The following MDGA2 variants were observed in gnomAD, a reference collection of about 807,000 sequenced individuals.
The protein encoded by MDGA2 is MAM domain-containing glycosylphosphatidylinositol anchor protein 2.
A neutral mutation model predicts 117.8 loss-of-function variants in MDGA2; 40 were observed. The ratio of observed to expected loss-of-function variants is 0.34; its 90% CI spans 0.26 to 0.44. The LOEUF (loss-of-function observed/expected upper bound fraction) is 0.44. Among genes scored for constraint, MDGA2 ranks in the 20% least tolerant of loss-of-function variants. The pLI, the probability that MDGA2 is intolerant of heterozygous loss-of-function variation, is 1.00. For synonymous variants in MDGA2, 452 were observed against 439.0 expected, an observed-to-expected ratio of 1.03 and a Z score of -0.37; for missense variants, 1,123 against 1,250.6, an observed-to-expected ratio of 0.90 and a Z score of 1.54.
At chr14:46,951,951 A>G (rs1396297719) in intron 9 of MDGA2, among the ~76,000 whole-genome samples, 2 of 151,980 alleles carry the variant, frequency 1.3e-5, no homozygotes, top group Non-Finnish European at 2.9e-5. Context: ...AAATATCTTG[A>G]GTCAATAATT....
At chr14:47,620,499 T>C (rs1897029619) in intron 1 of MDGA2, among the ~76,000 whole-genome samples, 1 of 152,346 alleles carries the variant, frequency 6.6e-6, no homozygotes, top group Admixed American at 6.5e-5. Flanking sequence ...ATAATAGATG[T>C]ATATTGTAGA....
At chr14:47,583,252 G>C (rs1955797) in intron 1 of MDGA2, among the ~76,000 whole-genome samples, 42,808 of 151,602 alleles carry the variant, frequency 0.28, 6,606 homozygotes, top group Non-Finnish European at 0.35. Flanking sequence ...AGAATGGCTA[G>C]ATTAGACTGT....
At position 47,061,268 on chromosome 14, in the gene MDGA2, A is replaced by G; in HGVS notation, c.1506T>C (p.Val502=). Residue 502 remains valine, a synonymous_variant, in exon 7 of 17, where the codon GTT becomes GTC. Coordinates refer to ENST00000399232, the MANE Select transcript of MDGA2 (RefSeq NM_001113498.3). ...TCTTACCTGTGCTGCTGGATATATT[A>G]ACATCGATACTGATATCAGATATTC... The part of the protein sequence containing the change: ...GGGISDISID[V]NISSSTVPPN... The G allele has an allele frequency of 1.2e-6, 2 of 1,613,034 alleles. No homozygotes were observed. Among genetic ancestry groups the G allele is most frequent in the Non-Finnish European group, 1.7e-6 (2 of 1,179,208 alleles).
At chr14:47,499,849 T>C (rs1235750293) in intron 1 of MDGA2, among the ~76,000 whole-genome samples, 1 of 152,200 alleles carries the variant, frequency 6.6e-6, no homozygotes, top group Non-Finnish European at 1.5e-5. Flanking sequence ...TAATTTATTC[T>C]ACTATAATTG....
At chr14:47,080,544 T>G (rs1191636737) in intron 6 of MDGA2, among the ~76,000 whole-genome samples, 1 of 152,128 alleles carries the variant, frequency 6.6e-6, no homozygotes, top group Non-Finnish European at 1.5e-5. Flanking sequence ...TCCCTCACAT[T>G]CTCTTATCTT....
rs55827732 is a variant in MDGA2, at chr14:47,155,888, C to CTTTTT, written c.596-11619_596-11615dup. Among the ~76,000 whole-genome samples the CTTTTT allele has an allele frequency of 2.3e-3, 91 of 40,114 alleles. 8 individuals carry two copies. The highest frequency in any genetic ancestry group is 3.0e-3 in the Non-Finnish European group (69 of 23,016). The allele number at this position is 40,114 out of a possible 152,430, so 26.3% of individuals were successfully genotyped here. A position where few individuals can be genotyped will look rare whatever the true frequency, so the allele number is the denominator to read the frequency against. On this transcript the variant is annotated intron_variant, in intron 3 of 16. Coordinates refer to ENST00000399232, the MANE Select transcript of MDGA2 (RefSeq NM_001113498.3). ...ATTCTTTTCTTTTCTTCTTCTTCTT[C>CTTTTT]TTTTTTTTTTTTTTTTTTTTTTTTT...
At chr14:47,523,040 C>G (rs940594428) in intron 1 of MDGA2, among the ~76,000 whole-genome samples, 2 of 152,172 alleles carry the variant, frequency 1.3e-5, no homozygotes, top group African/African-American at 4.8e-5. Context: ...CTTTGCAAAG[C>G]TTAATTTCTT....
At chr14:47,177,395 C>T (rs1251351832) in intron 3 of MDGA2, among the ~76,000 whole-genome samples, 1 of 152,114 alleles carries the variant, frequency 6.6e-6, no homozygotes, top group African/African-American at 2.4e-5. Context: ...AGACTTGGAA[C>T]CAACCCAAAT....
intron 1 of MDGA2, among the ~76,000 whole-genome samples, chr14:47,665,217 T>C (rs907618596): frequency 2.0e-5 from 3 of 152,218 alleles, no homozygotes; most frequent in African/African-American, 7.2e-5. Flanking sequence ...TTTTTCAAGT[T>C]TTCTCCAACC....
intron 7 of MDGA2, among the ~76,000 whole-genome samples, chr14:47,060,904 C>T (rs1292064927): frequency 6.6e-6 from 1 of 151,860 alleles, no homozygotes; most frequent in Non-Finnish European, 1.5e-5. Flanking sequence ...TGAAAATTGT[C>T]TTAACTCTAG....
intron 10 of MDGA2, among the ~76,000 whole-genome samples, chr14:46,903,523 C>G (rs1251980268): frequency 6.6e-6 from 1 of 152,138 alleles, no homozygotes; most frequent in Non-Finnish European, 1.5e-5. Context: ...CTATACTTGA[C>G]TTCAGAGAAT....
chr14:47,241,395 G>C (rs1355687417), intron 2 of MDGA2, among the ~76,000 whole-genome samples: 1 of 151,698 alleles, frequency 6.6e-6, no homozygotes, highest in East Asian at 1.9e-4. Flanking sequence ...AACTCCCTGG[G>C]ACTTAGAAAA....
In MDGA2 at chr14:46,919,625, T is replaced by G. The variant is rs190840657; in HGVS notation, c.2238+387A>C. 8.2e-3 allele frequency among the ~76,000 whole-genome samples: 1,254 copies of G among 152,342 alleles called. 15 individuals carry two copies. Among genetic ancestry groups the G allele is most frequent in the Non-Finnish European group, 0.013 (862 of 68,024 alleles). ...CTAAAGCAAAAATATGTACAACTTCTGGCTTCTTAGGAATCAAGACAAATG... is the reference window on the plus strand; with the variant it reads ...CTAAAGCAAAAATATGTACAACTTCGGGCTTCTTAGGAATCAAGACAAATG... On this transcript the variant is annotated intron_variant, in intron 10 of 16. Transcript: ENST00000399232.
intron 11 of MDGA2, 75 bp downstream of exon 11, chr14:46,881,969 G>T: frequency 5.4e-6 from 5 of 922,918 alleles, no homozygotes; most frequent in Non-Finnish European, 7.5e-6. Flanking sequence ...GTCTAAATTT[G>T]GTAGATAGCA....
At chr14:47,656,978 T>C (rs1897756751) in intron 1 of MDGA2, among the ~76,000 whole-genome samples, 1 of 152,168 alleles carries the variant, frequency 6.6e-6, no homozygotes, top group African/African-American at 2.4e-5. Flanking sequence ...CTTTTCAGGA[T>C]ACTTACTCTT....
chr14:47,615,748 T>G (rs1896937582), intron 1 of MDGA2, among the ~76,000 whole-genome samples: 2 of 152,160 alleles, frequency 1.3e-5, no homozygotes, highest in African/African-American at 4.8e-5. Context: ...AGGGGTCTAA[T>G]AAATAACAAA....
intron 2 of MDGA2, among the ~76,000 whole-genome samples, chr14:47,286,803 T>TTATATATA (rs34614614): frequency 0.024 from 3,080 of 129,794 alleles, 89 homozygotes; most frequent in East Asian, 0.061. Context: ...AGGCATATCA[T>TTATATATA]TATATATATA....
intron 3 of MDGA2, among the ~76,000 whole-genome samples, chr14:47,184,839 TTAA>T (rs902576756): frequency 2.6e-5 from 4 of 151,652 alleles, no homozygotes; most frequent in African/African-American, 9.7e-5. Context: ...GAGACACTGA[TTAA>T]TGTTTAACAT....
intron 1 of MDGA2, among the ~76,000 whole-genome samples, chr14:47,511,622 T>C (rs958477890): frequency 6.6e-6 from 1 of 152,180 alleles, no homozygotes; most frequent in Non-Finnish European, 1.5e-5. Flanking sequence ...TCAATTCTAA[T>C]GGACTTAAAA....
Sources: allele counts gnomAD v4.1 joint callset (sites outside exome capture counted in the v4.1 genomes callset), GRCh38; gene constraint gnomAD v4.1.1; transcripts MANE v1.5; gene names NCBI Gene and HGNC (gene_info 2026-07-23, HGNC 2026-07-21).